Variants in AKAP19 observed in about 807,000 individuals in gnomAD.
The protein encoded by AKAP19 is small A-kinase anchoring protein.
the AKAP19 span, among the ~76,000 whole-genome samples, chr2:190,167,332 T>G: frequency 6.6e-6 from 1 of 152,130 alleles, no homozygotes; most frequent in South Asian, 2.1e-4. Flanking sequence ...TTCAGTTACC[T>G]CTCACTGGGT....
the AKAP19 span, among the ~76,000 whole-genome samples, chr2:189,996,140 T>A: frequency 6.6e-6 from 1 of 152,190 alleles, no homozygotes; most frequent in African/African-American, 2.4e-5. Flanking sequence ...GATGTCTAGA[T>A]CTCTAGCAAG....
the AKAP19 span, among the ~76,000 whole-genome samples, chr2:190,139,147 A>G: frequency 6.6e-6 from 1 of 152,356 alleles, no homozygotes; most frequent in African/African-American, 2.4e-5. Flanking sequence ...ATGAAATCTG[A>G]TATGAAAGAA....
chr2:190,017,888 G>A, the AKAP19 span, among the ~76,000 whole-genome samples: 1 of 152,084 alleles, frequency 6.6e-6, no homozygotes, highest in African/African-American at 2.4e-5. Context: ...GAAAGTTTTT[G>A]TCTCTTCCTC....
At chr2:190,060,531 A>T in the AKAP19 span, 1 of 1,017,472 alleles carries the variant, frequency 9.8e-7, no homozygotes, top group Admixed American at 2.4e-5. Context: ...AATTAAGATA[A>T]TGTATGCCTA....
the AKAP19 span, among the ~76,000 whole-genome samples, chr2:190,156,033 G>C: frequency 2.6e-5 from 4 of 152,040 alleles, no homozygotes; most frequent in African/African-American, 9.7e-5. Context: ...AATAATTAAT[G>C]TAAAAAGGAA....
chr2:190,179,944 C>T, the AKAP19 span, among the ~76,000 whole-genome samples: 8 of 152,140 alleles, frequency 5.3e-5, no homozygotes, highest in African/African-American at 1.9e-4. This position sits in a 1 kb window ranked among gnomAD's most constrained non-coding sequence, Gnocchi z 6.0. Flanking sequence ...CAGATGCAGG[C>T]ATCACATGGA....
At chr2:190,161,673 T>G in the AKAP19 span, among the ~76,000 whole-genome samples, 1 of 152,190 alleles carries the variant, frequency 6.6e-6, no homozygotes, top group Non-Finnish European at 1.5e-5. Flanking sequence ...CAGACGCTTA[T>G]GCAGAAGCAG....
chr2:190,107,784 A>G, the AKAP19 span, among the ~76,000 whole-genome samples: 1 of 152,232 alleles, frequency 6.6e-6, no homozygotes, highest in Non-Finnish European at 1.5e-5. Context: ...GTTATGCAAA[A>G]GAACAGATCG....
the AKAP19 span, among the ~76,000 whole-genome samples, chr2:189,926,012 A>G: frequency 4.6e-5 from 7 of 152,222 alleles, no homozygotes; most frequent in African/African-American, 1.7e-4. Flanking sequence ...ATTATACTGG[A>G]TTGAGTAGAC....
chr2:189,968,851 A>G, the AKAP19 span, among the ~76,000 whole-genome samples: 21 of 152,078 alleles, frequency 1.4e-4, no homozygotes, highest in Non-Finnish European at 4.4e-5. Context: ...TTTTATAAAA[A>G]TAGATATTTG....
the AKAP19 span, among the ~76,000 whole-genome samples, chr2:189,989,005 G>A: frequency 1.3e-5 from 2 of 152,236 alleles, no homozygotes; most frequent in African/African-American, 4.8e-5. Flanking sequence ...AATGAGATGG[G>A]CTAGGGCCCT....
the AKAP19 span, among the ~76,000 whole-genome samples, chr2:189,982,272 C>A: frequency 6.6e-6 from 1 of 151,914 alleles, no homozygotes; most frequent in Admixed American, 6.6e-5. Context: ...CTCTGAAATT[C>A]TTTCTCTGAT....
the AKAP19 span, among the ~76,000 whole-genome samples, chr2:189,910,219 CATG>C: frequency 1.3e-5 from 2 of 152,002 alleles, no homozygotes. Flanking sequence ...GCATAAAAGT[CATG>C]ATAATTTATA....
chr2:190,117,902 G>A, the AKAP19 span, among the ~76,000 whole-genome samples: 787 of 152,270 alleles, frequency 5.2e-3, 12 homozygotes, highest in African/African-American at 0.018. Context: ...GGTTGCTAAC[G>A]TAGGCTGCTG....
the AKAP19 span, among the ~76,000 whole-genome samples, chr2:190,000,935 G>A: frequency 2.6e-5 from 4 of 151,724 alleles, no homozygotes; most frequent in Non-Finnish European, 5.9e-5. Context: ...TTTTTTGCGG[G>A]GACTCCCATT....
At chr2:190,107,520 T>C in the AKAP19 span, among the ~76,000 whole-genome samples, 584 of 152,288 alleles carry the variant, frequency 3.8e-3, 6 homozygotes, top group African/African-American at 0.011. Context: ...TTAAGAAATA[T>C]GGAATTGGGC....
At chr2:190,128,522 G>A in the AKAP19 span, among the ~76,000 whole-genome samples, 1 of 152,154 alleles carries the variant, frequency 6.6e-6, no homozygotes, top group African/African-American at 2.4e-5. Context: ...GTCTAGTGCT[G>A]GTTCTGCCAA....
the AKAP19 span, among the ~76,000 whole-genome samples, chr2:189,949,424 C>T: frequency 6.6e-6 from 1 of 151,368 alleles, no homozygotes; most frequent in African/African-American, 2.4e-5. Context: ...GTAATCCAAG[C>T]TACTCAGGAG....
the AKAP19 span, among the ~76,000 whole-genome samples, chr2:190,187,062 A>G: frequency 6.6e-6 from 1 of 151,554 alleles, no homozygotes; most frequent in Admixed American, 6.6e-5. Context: ...CTGGTCTTGA[A>G]CTCCTGACCT....
Sources: allele counts gnomAD v4.1 joint callset (sites outside exome capture counted in the v4.1 genomes callset), GRCh38; gene constraint gnomAD v4.1.1; non-coding constraint Gnocchi (gnomAD v3.1); transcripts MANE v1.5; gene names NCBI Gene and HGNC (gene_info 2026-07-23, HGNC 2026-07-21).